CDR2: variants seen among roughly 807,000 people sequenced by gnomAD.
The protein encoded by CDR2 is cerebellar degeneration-related protein 2.
Under a neutral mutation model 48.4 loss-of-function variants are expected in CDR2, and 34 were observed. The observed-to-expected ratio is 0.70, with a 90% CI of 0.53 to 0.94. The LOEUF (loss-of-function observed/expected upper bound fraction) is 0.94, where lower values mean the gene tolerates loss of function less well. Ranked by LOEUF, CDR2 falls within the 40% of genes least tolerant of loss-of-function variation. The probability of loss-of-function intolerance (pLI) is 0.00; values close to 1 mark genes in which losing one functional copy is unlikely to be tolerated. For missense variants in CDR2, 498 were observed against 549.5 expected, an observed-to-expected ratio of 0.91 and a Z score of 0.94; for synonymous variants, 240 against 219.7, an observed-to-expected ratio of 1.09 and a Z score of -0.82.
chr16:22,372,255 ACACGTTG>A (rs1409563794), intron 1 of CDR2, among the ~76,000 whole-genome samples: 2 of 152,280 alleles, frequency 1.3e-5, no homozygotes, highest in Non-Finnish European at 2.9e-5. Flanking sequence ...TGTAACCCTG[ACACGTTG>A]CACTTGCTGC....
intron 2 of CDR2, among the ~76,000 whole-genome samples, chr16:22,350,895 T>C (rs775473959): frequency 2.0e-5 from 3 of 152,218 alleles, no homozygotes; most frequent in Non-Finnish European, 4.4e-5. Context: ...AAAAAAATTA[T>C]ACTCTAAGTT....
intron 2 of CDR2, among the ~76,000 whole-genome samples, chr16:22,357,550 C>T (rs763324617): frequency 1.3e-5 from 2 of 152,226 alleles, no homozygotes; most frequent in Non-Finnish European, 2.9e-5. Flanking sequence ...GGCTTTAGCC[C>T]TCTTGGGAAA....
chr16:22,348,321 C>T (rs922928116), intron 4 of CDR2, among the ~76,000 whole-genome samples: 7 of 152,146 alleles, frequency 4.6e-5, no homozygotes, highest in African/African-American at 1.7e-4. Context: ...TGAAAGCAAA[C>T]TCAATTTTTG....
chr16:22,368,544 A>G (rs1333628628), intron 1 of CDR2, among the ~76,000 whole-genome samples: 1 of 152,174 alleles, frequency 6.6e-6, no homozygotes, highest in African/African-American at 2.4e-5. Context: ...TAGTCTTTAT[A>G]TCTTTAAAGG....
intron 1 of CDR2, among the ~76,000 whole-genome samples, 195 bp downstream of exon 1, chr16:22,374,036 C>G (rs753502237): frequency 1.3e-5 from 2 of 152,364 alleles, no homozygotes; most frequent in East Asian, 1.9e-4. Flanking sequence ...TGCGCATTAG[C>G]AAGGCCGTGG....
At chr16:22,373,734 A>G (rs1483261935) in intron 1 of CDR2, among the ~76,000 whole-genome samples, 2 of 152,234 alleles carry the variant, frequency 1.3e-5, no homozygotes, top group African/African-American at 4.8e-5. Context: ...TAATTTTTAA[A>G]AAGTTACTGT....
Position 22,347,817 on chromosome 16 carries a change from G to A in CDR2, c.513C>T (p.Phe171=), listed in dbSNP as rs113655596. 2.5e-5 allele frequency: 41 copies of A among 1,609,856 alleles called. No homozygotes were observed. Among genetic ancestry groups the A allele is most frequent in the African/African-American group, 2.5e-4 (19 of 74,940 alleles). Residue 171 remains phenylalanine, a synonymous_variant, in exon 5 of 5, where the codon TTC becomes TTT. Coordinates refer to ENST00000268383, the MANE Select transcript of CDR2 (RefSeq NM_001802.2). The stretch of plus-strand genomic sequence containing the variant: ...TCTCAGCGAACACATGATCATACAC[G>A]AAGTGTCTAGGGAAAAAAATATTGA... ...LKELYDLRQH[F]VYDHVFAEKI...
At chr16:22,351,456 T>G (rs957252525) in intron 2 of CDR2, among the ~76,000 whole-genome samples, 1 of 152,206 alleles carries the variant, frequency 6.6e-6, no homozygotes, top group Non-Finnish European at 1.5e-5. Context: ...TCCACAATGG[T>G]TGAACTAATT....
chr16:22,349,614 C>A, intron 3 of CDR2, 87 bp downstream of exon 3: 1 of 1,469,324 alleles, frequency 6.8e-7, no homozygotes, highest in South Asian at 1.3e-5. Context: ...CCCATATTGA[C>A]CCAAACCCAC....
intron 1 of CDR2, among the ~76,000 whole-genome samples, chr16:22,370,976 G>A (rs146930702): frequency 0.011 from 1,645 of 152,330 alleles, 14 homozygotes; most frequent in Middle Eastern, 0.031. Context: ...ACTTTGGGAG[G>A]CCGAGGCGGG....
intron 1 of CDR2, among the ~76,000 whole-genome samples, chr16:22,369,291 AAAAAAAAAAAG>A (rs57145283): frequency 0.014 from 2,147 of 149,382 alleles, 63 homozygotes; most frequent in African/African-American, 0.052. Context: ...TAGCAGGAAA[AAAAAAAAAAAG>A]AAAAAAAACA....
intron 1 of CDR2, among the ~76,000 whole-genome samples, chr16:22,373,530 C>T (rs2049092991): frequency 6.6e-6 from 1 of 152,198 alleles, no homozygotes; most frequent in Non-Finnish European, 1.5e-5. Flanking sequence ...GCCACTTTAC[C>T]GTTTTAATCT....
At chr16:22,349,009 C>T (rs930113290) in intron 4 of CDR2, 6 of 293,824 alleles carry the variant, frequency 2.0e-5, no homozygotes, top group African/African-American at 4.4e-5. Flanking sequence ...TAAAACACAA[C>T]TCCCAAATCT....
chr16:22,345,958 T>C lies in CDR2; in HGVS notation c.*1007A>G, dbSNP rs2048901288. Reference sequence around the variant, plus strand: ...CTGTTCATTTTCATAGGTAGCTTTATTTGGTTTTTAGAAAAATATATACAA... The same window carrying C: ...CTGTTCATTTTCATAGGTAGCTTTACTTGGTTTTTAGAAAAATATATACAA... On this transcript the variant is annotated 3_prime_UTR_variant, in exon 5 of 5. Coordinates refer to ENST00000268383, the MANE Select transcript of CDR2 (RefSeq NM_001802.2). 6.5e-6 allele frequency: 1 copy of C among 152,680 alleles called. No individual in the cohort carries two copies. Among genetic ancestry groups the C allele is most frequent in the Non-Finnish European group, 1.5e-5 (1 of 68,044 alleles). The allele number at this position is 152,680 out of a possible 1,614,324, so 9.5% of individuals were successfully genotyped here.
intron 2 of CDR2, among the ~76,000 whole-genome samples, chr16:22,350,120 C>CA (rs1180605779): frequency 6.6e-6 from 1 of 151,508 alleles, no homozygotes; most frequent in Non-Finnish European, 1.5e-5. Context: ...ACCTGGAAGA[C>CA]AGAGGTTGCA....
chr16:22,350,182 T>C (rs960075839), intron 2 of CDR2, among the ~76,000 whole-genome samples: 2 of 145,828 alleles, frequency 1.4e-5, no homozygotes, highest in Non-Finnish European at 3.0e-5. Context: ...AGAATGAAAC[T>C]CCATCTCAAA....
intron 1 of CDR2, 23 bp from the exon 2 acceptor site, chr16:22,365,037 GAAT>G (rs1168333706): frequency 1.4e-6 from 2 of 1,414,102 alleles, no homozygotes; most frequent in African/African-American, 1.4e-5. Context: ...ATGAATCTTA[GAAT>G]AATACAAATG....
At chr16:22,373,992 C>A (rs992674453) in intron 1 of CDR2, among the ~76,000 whole-genome samples, 18 of 152,196 alleles carry the variant, frequency 1.2e-4, no homozygotes, top group African/African-American at 3.1e-4. Context: ...TGGCTCGTCC[C>A]TGGCCCCCAC....
Position 22,349,035 on chromosome 16 carries a change from A to G in CDR2, c.506+244T>C, listed in dbSNP as rs1164346071. 1.3e-5 allele frequency: 5 copies of G among 370,772 alleles called. No individual in the cohort carries two copies. The East Asian group carries it at 2.5e-4, about 19-fold the overall frequency. The allele number at this position is 370,772 out of a possible 1,614,324, so 23.0% of individuals were successfully genotyped here. On this transcript the variant is annotated intron_variant, in intron 4 of 4. Transcript: ENST00000268383. ...TCCCAAATCTAGTCTATCAGAATTC[A>G]TCTTAAACTATGATTTAATACATTA...
Sources: allele counts gnomAD v4.1 joint callset (sites outside exome capture counted in the v4.1 genomes callset), GRCh38; gene constraint gnomAD v4.1.1; transcripts MANE v1.5; gene names NCBI Gene and HGNC (gene_info 2026-07-23, HGNC 2026-07-21).